PCSK6: variants seen among roughly 807,000 people sequenced by gnomAD.
PCSK6 encodes proprotein convertase subtilisin/kexin type 6.
Under a neutral mutation model 123.3 loss-of-function variants are expected in PCSK6, and 85 were observed. That is an observed-to-expected ratio of 0.69 (90% CI 0.58 to 0.83). The LOEUF (loss-of-function observed/expected upper bound fraction) is 0.83, where lower values mean the gene tolerates loss of function less well. PCSK6 is among the 40% of genes least tolerant of loss of function. The pLI is 0.00. For synonymous variants in PCSK6, 508 were observed against 516.0 expected (o/e 0.98, Z 0.21); for missense variants, 1,191 against 1,282.3 (o/e 0.93, Z 1.09).
At chr15:101,435,462 CA>C (rs1159289056) in intron 2 of PCSK6, among the ~76,000 whole-genome samples, 5 of 152,194 alleles carry the variant, frequency 3.3e-5, no homozygotes, top group African/African-American at 1.2e-4. Context: ...CTAGCCCAAA[CA>C]GAAACCGTCT....
chr15:101,469,957 G>A (rs921494751), intron 1 of PCSK6, among the ~76,000 whole-genome samples: 2 of 152,134 alleles, frequency 1.3e-5, no homozygotes, highest in Non-Finnish European at 2.9e-5. Context: ...AATGATAATC[G>A]CCGTGATGAT....
chr15:101,451,703 C>A (rs2057041013), intron 1 of PCSK6, among the ~76,000 whole-genome samples: 1 of 152,220 alleles, frequency 6.6e-6, no homozygotes, highest in African/African-American at 2.4e-5. Context: ...AGGGCCTTGG[C>A]TTTCTGGGAA....
Position 101,307,325 on chromosome 15 carries a change from C to T in PCSK6, c.2700G>A (p.Arg900=), listed in dbSNP as rs1030664695. ...MPGLPHKVCR[R]CDENCLSCAG... is the part of the protein sequence containing the mutation. ...CACAGCTCAAGCAGTTCTCGTCACA[C>T]CTGTGGGAAGATACCGTTCCTGCTG... Residue 900 remains arginine, a splice_region_variant and synonymous_variant, in exon 21 of 22, where the codon AGG becomes AGA. Coordinates refer to ENST00000611716, the MANE Select transcript of PCSK6 (RefSeq NM_002570.5). 19 of 1,610,470 alleles carry T rather than the reference C, an allele frequency of 1.2e-5. No homozygotes were observed. The highest frequency in any genetic ancestry group is 1.6e-5 in the Non-Finnish European group (19 of 1,177,804).
chr15:101,331,562 G>T, intron 15 of PCSK6, 89 bp downstream of exon 15: 1 of 1,254,150 alleles, frequency 8.0e-7, no homozygotes, highest in East Asian at 2.4e-5. Flanking sequence ...ACTTACCAGG[G>T]GGCAAGACCC....
At chr15:101,415,812 G>T (rs1020808130) in intron 6 of PCSK6, among the ~76,000 whole-genome samples, 29 of 152,310 alleles carry the variant, frequency 1.9e-4, no homozygotes, top group African/African-American at 6.7e-4. Context: ...TTCTGCTTTT[G>T]CTTCCTCCTC....
chr15:101,415,579 A>AT (rs1011541846), intron 6 of PCSK6, among the ~76,000 whole-genome samples: 2 of 152,166 alleles, frequency 1.3e-5, no homozygotes, highest in Admixed American at 6.6e-5. Flanking sequence ...TCTGATACAG[A>AT]TTTTTTTTAC....
At chr15:101,475,771 G>A (rs1228292433) in intron 1 of PCSK6, among the ~76,000 whole-genome samples, 1 of 151,290 alleles carries the variant, frequency 6.6e-6, no homozygotes, top group Non-Finnish European at 1.5e-5. Context: ...GACTACAAGT[G>A]TGAGCCACTG....
Position 101,305,431 on chromosome 15 carries a change from G to C in PCSK6, c.2813-76C>G. The stretch of plus-strand genomic sequence containing the variant: ...GCCTGTGAAGATTGTTTCAAGGCCG[G>C]GCGCGGTGCCTCATGCCTGTAATCC... On this transcript the variant is annotated intron_variant, in intron 21 of 21. Coordinates refer to ENST00000611716, the MANE Select transcript of PCSK6 (RefSeq NM_002570.5). The surrounding 1 kb of genome is among the most constrained non-coding windows in gnomAD (Gnocchi z 4.8). 8.0e-7 allele frequency: 1 copy of C among 1,253,876 alleles called. No homozygotes were observed. The allele number at this position is 1,253,876 out of a possible 1,614,324, so 77.7% of individuals were successfully genotyped here.
At chr15:101,347,786 CA>C in intron 13 of PCSK6, 3 of 1,610,292 alleles carry the variant, frequency 1.9e-6, no homozygotes, top group Non-Finnish European at 2.5e-6. Context: ...CCCTGGAAAA[CA>C]AGGGACTGAA....
chr15:101,366,417 G>C, intron 12 of PCSK6, 85 bp from the exon 13 acceptor site: 1 of 1,428,996 alleles, frequency 7.0e-7, no homozygotes, highest in Non-Finnish European at 9.5e-7. Context: ...GGGCTCTCGG[G>C]GGACTGTATG....
intron 1 of PCSK6, among the ~76,000 whole-genome samples, chr15:101,467,642 C>CA (rs1401405401): frequency 1.3e-5 from 2 of 152,024 alleles, no homozygotes; most frequent in Non-Finnish European, 2.9e-5. Context: ...ATGTGCTGGC[C>CA]AAAAAACACG....
chr15:101,419,945 G>A (rs1483638825), intron 6 of PCSK6, among the ~76,000 whole-genome samples: 1 of 152,168 alleles, frequency 6.6e-6, no homozygotes, highest in East Asian at 1.9e-4. Context: ...CCAGTACTTT[G>A]GGCAGCTGAG....
intron 13 of PCSK6, among the ~76,000 whole-genome samples, chr15:101,342,285 G>C (rs565565299): frequency 6.6e-6 from 1 of 152,100 alleles, no homozygotes; most frequent in African/African-American, 2.4e-5. Context: ...ACTGTTATTA[G>C]ATCCTTTTAT....
At chr15:101,363,250 T>A (rs1487490644) in intron 13 of PCSK6, among the ~76,000 whole-genome samples, 1 of 152,166 alleles carries the variant, frequency 6.6e-6, no homozygotes, top group Non-Finnish European at 1.5e-5. Context: ...CCCTGGGACA[T>A]GGGTAGGGCT....
intron 13 of PCSK6, among the ~76,000 whole-genome samples, chr15:101,342,124 T>G: frequency 1.7e-5 from 1 of 60,364 alleles, no homozygotes; most frequent in African/African-American, 7.2e-5. Context: ...AGTAAGACCC[T>G]GTCTCAAAAA....
At chr15:101,369,466 C>T (rs1344528172) in intron 12 of PCSK6, among the ~76,000 whole-genome samples, 16 of 152,232 alleles carry the variant, frequency 1.1e-4, no homozygotes, top group Non-Finnish European at 1.5e-5. Context: ...GGGGACCACA[C>T]CCCAGAAGAC....
chr15:101,325,182 C>T (rs2040222848), intron 16 of PCSK6, 136 bp from the exon 17 acceptor site: 2 of 632,136 alleles, frequency 3.2e-6, no homozygotes, highest in Non-Finnish European at 2.7e-6. Flanking sequence ...TTGGTGAGTG[C>T]AGTTCTGAGG....
intron 1 of PCSK6, among the ~76,000 whole-genome samples, chr15:101,451,014 C>T (rs1177419824): frequency 1.3e-5 from 2 of 151,406 alleles, no homozygotes; most frequent in East Asian, 3.9e-4. Flanking sequence ...CAGGGCCACA[C>T]AAGGGAGGGG....
chr15:101,399,241 C>T (rs1407086001), intron 6 of PCSK6, among the ~76,000 whole-genome samples: 1 of 152,218 alleles, frequency 6.6e-6, no homozygotes, highest in Non-Finnish European at 1.5e-5. Flanking sequence ...AGGCTTTCCA[C>T]CTCTCCCAGC....
Sources: allele counts gnomAD v4.1 joint callset (sites outside exome capture counted in the v4.1 genomes callset), GRCh38; gene constraint gnomAD v4.1.1; non-coding constraint Gnocchi (gnomAD v3.1); transcripts MANE v1.5; gene names NCBI Gene and HGNC (gene_info 2026-07-23, HGNC 2026-07-21).